Variants in ZMIZ1 observed in about 807,000 individuals in gnomAD.
ZMIZ1 encodes zinc finger MIZ domain-containing protein 1.
ZMIZ1 carries 17 observed loss-of-function variants against 113.9 expected under a neutral mutation model. That is an observed-to-expected ratio of 0.15 (90% confidence interval 0.10 to 0.22). The LOEUF is 0.22. ZMIZ1 is among the 10% of genes least tolerant of loss of function. ZMIZ1 has a pLI of 1.00. For missense variants in ZMIZ1, 1,059 were observed against 1,477.8 expected (o/e 0.72, Z 4.65); for synonymous variants, 607 against 603.1 (o/e 1.01, Z -0.09).
Position 79,292,143 on chromosome 10 carries a change from C to T in ZMIZ1, c.759-15C>T. 1.3e-6 allele frequency: 2 copies of T among 1,599,758 alleles called. No homozygotes were observed. Among genetic ancestry groups the T allele is most frequent in the South Asian group, 2.2e-5 (2 of 90,346 alleles). The stretch of plus-strand genomic sequence containing the variant: ...GCAGGCAGTACCTAACTCTTCCACC[C>T]TTCTCCCCCTGCAGTTACCCTGGGG... On this transcript the variant is annotated splice_polypyrimidine_tract_variant and intron_variant, in intron 10 of 24. Transcript: ENST00000334512.
chr10:79,102,229 G>A lies in ZMIZ1; in HGVS notation c.-336-16686G>A, dbSNP rs1047871666. On this transcript the variant is annotated intron_variant, in intron 1 of 24. Coordinates refer to ENST00000334512, the MANE Select transcript of ZMIZ1 (RefSeq NM_020338.4). The stretch of plus-strand genomic sequence containing the variant: ...GCCTCGCCCAGTTGGAGCAGAAGGC[G>A]TGCAGTGGGGAACGCAGCCTGTAGC... Among the ~76,000 whole-genome samples the A allele has an allele frequency of 1.3e-4, 20 of 152,266 alleles. No individual in the cohort carries two copies. In the South Asian group the frequency reaches 1.7e-3, roughly 13 times the overall value.
At chr10:79,078,854 C>CT (rs1197884276) in intron 1 of ZMIZ1, among the ~76,000 whole-genome samples, 12 of 151,966 alleles carry the variant, frequency 7.9e-5, no homozygotes, top group Middle Eastern at 3.4e-3. Context: ...TAGCCCCACC[C>CT]TTTTTTTAAT....
At chr10:79,085,892 G>T (rs1352020294) in intron 1 of ZMIZ1, among the ~76,000 whole-genome samples, 1 of 152,150 alleles carries the variant, frequency 6.6e-6, no homozygotes, top group Non-Finnish European at 1.5e-5. Flanking sequence ...GGAGTTGGAT[G>T]AAACCCCTGG....
intron 2 of ZMIZ1, among the ~76,000 whole-genome samples, chr10:79,126,842 G>C (rs10824721): frequency 0.19 from 28,835 of 152,136 alleles, 3,280 homozygotes; most frequent in East Asian, 0.44. Context: ...TGAGCTGAGG[G>C]AAGTATGGGC....
At chr10:79,163,035 G>T (rs1257033284) in intron 4 of ZMIZ1, among the ~76,000 whole-genome samples, 3 of 149,602 alleles carry the variant, frequency 2.0e-5, no homozygotes, top group African/African-American at 7.7e-5. Context: ...GCCCGAGGGT[G>T]ACCTGTGTAA....
chr10:79,226,219 C>T (rs1418836458), intron 7 of ZMIZ1, among the ~76,000 whole-genome samples: 2 of 152,146 alleles, frequency 1.3e-5, no homozygotes, highest in African/African-American at 4.8e-5. Context: ...AAAATAGAGG[C>T]TCTGAGGGGT....
At chr10:79,114,692 G>T (rs555579129) in intron 1 of ZMIZ1, among the ~76,000 whole-genome samples, 2 of 152,130 alleles carry the variant, frequency 1.3e-5, no homozygotes, top group African/African-American at 4.8e-5. Context: ...CTTTTTTTCT[G>T]GATGGCTCTG....
chr10:79,145,104 C>T (rs572276440), intron 3 of ZMIZ1, among the ~76,000 whole-genome samples: 1 of 152,048 alleles, frequency 6.6e-6, no homozygotes, highest in Admixed American at 6.6e-5. Flanking sequence ...TGCCCTCTTT[C>T]CCCCTCCCCC....
At chr10:79,307,330 A>G in intron 22 of ZMIZ1, 75 bp from the exon 23 acceptor site, 1 of 1,443,384 alleles carries the variant, frequency 6.9e-7, no homozygotes, top group Non-Finnish European at 9.6e-7. Context: ...GTATTTTTAC[A>G]CACTCTCTGT....
intron 1 of ZMIZ1, among the ~76,000 whole-genome samples, chr10:79,095,071 C>T: frequency 6.6e-6 from 1 of 152,186 alleles, no homozygotes; most frequent in Non-Finnish European, 1.5e-5. Context: ...GCTACAGGAG[C>T]TCTGACTCTC....
chr10:79,161,001 C>T lies in ZMIZ1; in HGVS notation c.-130-1052C>T, dbSNP rs1846093555. ...CTCCAGCTGAGACCCCAGAGAAGCC[C>T]ACCAGCCAGGCCTCTGGGTGTCATC... On this transcript the variant is annotated intron_variant, in intron 3 of 24. Coordinates refer to ENST00000334512, the MANE Select transcript of ZMIZ1 (RefSeq NM_020338.4). Among the ~76,000 whole-genome samples, 3 of 152,210 alleles carry T rather than the reference C, an allele frequency of 2.0e-5. No homozygotes were observed. The South Asian group carries it at 6.2e-4, about 31-fold the overall frequency.
chr10:79,073,430 G>T (rs1842361433), intron 1 of ZMIZ1, among the ~76,000 whole-genome samples: 1 of 152,208 alleles, frequency 6.6e-6, no homozygotes, highest in Non-Finnish European at 1.5e-5. Flanking sequence ...TGGCTTGCAT[G>T]CCCCCCACAG....
At chr10:79,153,679 C>T (rs894778590) in intron 3 of ZMIZ1, among the ~76,000 whole-genome samples, 3 of 152,268 alleles carry the variant, frequency 2.0e-5, no homozygotes, top group Non-Finnish European at 4.4e-5. Flanking sequence ...AACCTTCTCC[C>T]TCCTCATGAC....
intron 3 of ZMIZ1, among the ~76,000 whole-genome samples, chr10:79,146,270 G>T (rs1176346113): frequency 6.6e-6 from 1 of 152,142 alleles, no homozygotes; most frequent in African/African-American, 2.4e-5. Context: ...CCCATCTCAG[G>T]CTGTGAGGAC....
At chr10:79,249,053 A>AC (rs1362850235) in intron 7 of ZMIZ1, among the ~76,000 whole-genome samples, 1 of 152,072 alleles carries the variant, frequency 6.6e-6, no homozygotes, top group Non-Finnish European at 1.5e-5. Context: ...GTCTGGTTCA[A>AC]CCCCTGTGTG....
At chr10:79,225,362 C>G (rs1333896786) in intron 7 of ZMIZ1, among the ~76,000 whole-genome samples, 3 of 152,144 alleles carry the variant, frequency 2.0e-5, no homozygotes, top group African/African-American at 7.2e-5. Context: ...CAGTAGAAAC[C>G]ATACCTTGTC....
At chr10:79,153,716 G>T (rs1213623773) in intron 3 of ZMIZ1, among the ~76,000 whole-genome samples, 1 of 152,252 alleles carries the variant, frequency 6.6e-6, no homozygotes, top group African/African-American at 2.4e-5. Flanking sequence ...GGCAGAGAGA[G>T]GTGCAGGGAC....
At chr10:79,205,660 C>T (rs1023471126) in intron 5 of ZMIZ1, among the ~76,000 whole-genome samples, 11 of 152,182 alleles carry the variant, frequency 7.2e-5, no homozygotes, top group African/African-American at 2.7e-4. Flanking sequence ...AGCAATGTCT[C>T]CTGGGCTGCA....
chr10:79,266,275 T>C (rs1338784978), intron 7 of ZMIZ1, among the ~76,000 whole-genome samples: 2 of 152,142 alleles, frequency 1.3e-5, no homozygotes, highest in Non-Finnish European at 2.9e-5. Context: ...ATATGCCTGC[T>C]CTCAGACATG....
Sources: allele counts gnomAD v4.1 joint callset (sites outside exome capture counted in the v4.1 genomes callset), GRCh38; gene constraint gnomAD v4.1.1; transcripts MANE v1.5; gene names NCBI Gene and HGNC (gene_info 2026-07-23, HGNC 2026-07-21).